C11orf65: variants seen among roughly 807,000 people sequenced by gnomAD.
C11orf65 encodes the protein chromosome 11 open reading frame 65.
Under a neutral mutation model 35.3 loss-of-function variants are expected in C11orf65, and 38 were observed. The ratio of observed to expected loss-of-function variants is 1.08; its 90% confidence interval spans 0.83 to 1.41. The LOEUF is 1.41. Ranked by LOEUF, C11orf65 falls within the 40% of genes most tolerant of loss-of-function variation. The pLI is 0.00. For missense variants in C11orf65, 370 were observed against 367.1 expected (o/e 1.01, Z -0.06); for synonymous variants, 105 against 114.4 (o/e 0.92, Z 0.53).
downstream of C11orf65, chr11:108,329,236 C>A (rs1160508407): frequency 6.2e-7 from 1 of 1,610,942 alleles, no homozygotes. Context: ...TTCAGACAAA[C>A]AGGTAACTAG....
At chr11:108,396,128 C>T (rs7101497) in intron 6 of C11orf65, among the ~76,000 whole-genome samples, 38,715 of 150,770 alleles carry the variant, frequency 0.26, 5,251 homozygotes, top group African/African-American at 0.32. Context: ...GCAAATGCTC[C>T]GTTACCCAGG....
downstream of C11orf65, among the ~76,000 whole-genome samples, chr11:108,381,913 A>T (rs374618693): frequency 6.7e-6 from 1 of 148,620 alleles, no homozygotes; most frequent in Admixed American, 6.9e-5. Context: ...TAGTTCTTAA[A>T]AGGCATTGCG....
chr11:108,460,133 G>T (rs59610594), intron 2 of C11orf65, among the ~76,000 whole-genome samples: 10 of 152,228 alleles, frequency 6.6e-5, no homozygotes, highest in African/African-American at 2.2e-4. Flanking sequence ...TTTAGTGTTA[G>T]AAATCAACAT....
intron 3 of C11orf65, among the ~76,000 whole-genome samples, chr11:108,429,062 G>A (rs2092949398): frequency 6.6e-6 from 1 of 152,074 alleles, no homozygotes; most frequent in African/African-American, 2.4e-5. Flanking sequence ...TGGGAGGATC[G>A]CTTGGGCCCA....
At chr11:108,315,829 C>T in intron 6 of C11orf65, 2 of 1,611,242 alleles carry the variant, frequency 1.2e-6, no homozygotes, top group African/African-American at 1.3e-5. Flanking sequence ...TCAGGATCTT[C>T]TCTTAGAAAT....
intron 2 of C11orf65, among the ~76,000 whole-genome samples, chr11:108,357,667 A>AC (rs1388103349): frequency 6.6e-6 from 1 of 151,724 alleles, no homozygotes; most frequent in East Asian, 1.9e-4. Context: ...ACTGGGAGGC[A>AC]CCCCCCAGCA....
chr11:108,408,635 C>T (rs1206296506), intron 3 of C11orf65, among the ~76,000 whole-genome samples: 4 of 132,526 alleles, frequency 3.0e-5, no homozygotes, highest in African/African-American at 1.1e-4. Flanking sequence ...GAGATTGCAC[C>T]ACTGCACTCC....
In C11orf65 at chr11:108,396,870, T is replaced by TA. The variant is rs1555162893; in HGVS notation, c.561-3493dup. On this transcript the variant is annotated intron_variant, in intron 6 of 8. Coordinates refer to ENST00000393084, the MANE Select transcript of C11orf65 (RefSeq NM_152587.5). ...ATAAATAAATAAATAAATAAATAAA[T>TA]AAATAAAATAAAATAGTTACTATTA... Among the ~76,000 whole-genome samples, 92 of 144,976 alleles carry TA rather than the reference T, an allele frequency of 6.3e-4. 1 individual carries two copies. In the South Asian group the frequency reaches 0.018, roughly 29 times the overall value.
chr11:108,441,206 C>T (rs775235710), intron 2 of C11orf65, among the ~76,000 whole-genome samples: 4 of 152,214 alleles, frequency 2.6e-5, no homozygotes, highest in Non-Finnish European at 2.9e-5. Context: ...CCCACACCCA[C>T]GGAACCTTGC....
At chr11:108,417,559 A>AG (rs1386922296) in intron 3 of C11orf65, among the ~76,000 whole-genome samples, 5 of 151,084 alleles carry the variant, frequency 3.3e-5, no homozygotes, top group Non-Finnish European at 5.9e-5. Flanking sequence ...AAAAACAAAA[A>AG]CAAACAAACA....
chr11:108,345,656 AT>A, intron 2 of C11orf65: 1 of 1,123,014 alleles, frequency 8.9e-7, no homozygotes. Flanking sequence ...TTGCCCCTAT[AT>A]CTGTCATATT....
chr11:108,353,930 C>T (rs1179853378), intron 2 of C11orf65: 1 of 1,519,302 alleles, frequency 6.6e-7, no homozygotes, highest in Non-Finnish European at 9.1e-7. Context: ...GTCAAAATTA[C>T]ATGGGCTGGG....
chr11:108,450,920 C>G (rs2093339517), intron 2 of C11orf65, among the ~76,000 whole-genome samples: 1 of 151,888 alleles, frequency 6.6e-6, no homozygotes, highest in Non-Finnish European at 1.5e-5. Context: ...ATGATTATCT[C>G]AATAGATGCA....
rs977496760 is a variant in C11orf65 at position 108,453,460 on chromosome 11, T to G, written c.81+8019A>C. Among the ~76,000 whole-genome samples, 3 of 152,242 alleles carry G rather than the reference T, an allele frequency of 2.0e-5. No individual in the cohort carries two copies. In the East Asian group the frequency reaches 5.8e-4, roughly 29 times the overall value. Reference sequence around the variant, plus strand: ...TGCTAATTAAAAGACAAAGATTATTTAGAATTATGCAAAATTAAATCCAAC... The same window carrying G: ...TGCTAATTAAAAGACAAAGATTATTGAGAATTATGCAAAATTAAATCCAAC... On this transcript the variant is annotated intron_variant, in intron 2 of 8. Transcript: ENST00000393084.
chr11:108,382,411 G>C (rs903361995), downstream of C11orf65, among the ~76,000 whole-genome samples: 2 of 151,882 alleles, frequency 1.3e-5, no homozygotes, highest in Non-Finnish European at 2.9e-5. Flanking sequence ...AAAAAGGAAA[G>C]GGCAACATTG....
At chr11:108,336,303 C>T (rs2086847464) in intron 2 of C11orf65, 6 of 196,538 alleles carry the variant, frequency 3.1e-5, no homozygotes, top group South Asian at 3.0e-4. Flanking sequence ...AGCAAGATCC[C>T]GTTTAAAAAA....
intron 2 of C11orf65, among the ~76,000 whole-genome samples, chr11:108,432,874 G>A (rs1203302353): frequency 6.6e-6 from 1 of 152,170 alleles, no homozygotes; most frequent in Non-Finnish European, 1.5e-5. Flanking sequence ...TACTATATCA[G>A]TTGTCTACTA....
At chr11:108,327,438 G>A, downstream of C11orf65, 9 of 518,562 alleles carry the variant, frequency 1.7e-5, no homozygotes, top group East Asian at 7.0e-5. Flanking sequence ...TCCAATAATG[G>A]CAATAATAAT....
intron 2 of C11orf65, among the ~76,000 whole-genome samples, chr11:108,351,265 A>AG (rs2089168946): frequency 6.6e-6 from 1 of 152,188 alleles, no homozygotes; most frequent in African/African-American, 2.4e-5. Context: ...AGTGACTGGT[A>AG]GGAGGGACTG....
Sources: allele counts gnomAD v4.1 joint callset (sites outside exome capture counted in the v4.1 genomes callset), GRCh38; gene constraint gnomAD v4.1.1; transcripts MANE v1.5; gene names NCBI Gene and HGNC (gene_info 2026-07-23, HGNC 2026-07-21).